PLA2G5: variants seen among roughly 807,000 people sequenced by gnomAD.
PLA2G5 encodes Ca2+-dependent phospholipase A2.
In PLA2G5, 12 loss-of-function variants were observed where a neutral mutation model predicts 15.9. The observed-to-expected ratio is 0.76, with a 90% CI of 0.48 to 1.23. The LOEUF (loss-of-function observed/expected upper bound fraction) is 1.23, where lower values mean the gene tolerates loss of function less well. PLA2G5 is among the 50% of genes most tolerant of loss of function. PLA2G5 has a pLI of 0.00. For synonymous variants in PLA2G5, 71 were observed against 71.4 expected (o/e 0.99, Z 0.03); for missense variants, 169 against 177.1 (o/e 0.95, Z 0.26).
intron 1 of PLA2G5, among the ~76,000 whole-genome samples, chr1:20,032,799 T>C (rs961226390): frequency 2.6e-5 from 4 of 152,150 alleles, no homozygotes; most frequent in Non-Finnish European, 5.9e-5. Flanking sequence ...AGGATGTATG[T>C]TGGGAAAAAT....
chr1:20,060,247 CTTTTTTTT>C (rs71585739), intron 2 of PLA2G5, among the ~76,000 whole-genome samples: 71 of 83,704 alleles, frequency 8.5e-4, no homozygotes, highest in East Asian at 3.4e-3. Context: ...CTTTTTTCTT[CTTTTTTTT>C]TTTTTTTTTT....
chr1:20,073,441 C>A (rs1329653395), intron 1 of PLA2G5, among the ~76,000 whole-genome samples: 1 of 152,180 alleles, frequency 6.6e-6, no homozygotes, highest in African/African-American at 2.4e-5. Context: ...AGGCTGACAC[C>A]CAGATAGAAC....
chr1:20,035,297 G>A (rs1031988802), intron 1 of PLA2G5, among the ~76,000 whole-genome samples: 19 of 152,132 alleles, frequency 1.2e-4, no homozygotes, highest in African/African-American at 4.3e-4. Context: ...GAGGGGAGTT[G>A]CGGGGCATGG....
chr1:20,073,073 ATCTGTGATCT>A (rs1421523811), intron 1 of PLA2G5, among the ~76,000 whole-genome samples: 2 of 152,208 alleles, frequency 1.3e-5, no homozygotes, highest in Non-Finnish European at 2.9e-5. Flanking sequence ...CTTGGGCACC[ATCTGTGATCT>A]TGCCAGGCAG....
chr1:20,081,974 C>T (rs1164219948), intron 1 of PLA2G5, among the ~76,000 whole-genome samples: 1 of 151,658 alleles, frequency 6.6e-6, no homozygotes, highest in Non-Finnish European at 1.5e-5. Flanking sequence ...ATCACTTGAA[C>T]CTGGGAGGTG....
At chr1:20,044,487 G>C (rs2013789180) in intron 1 of PLA2G5, among the ~76,000 whole-genome samples, 1 of 152,284 alleles carries the variant, frequency 6.6e-6, no homozygotes, top group African/African-American at 2.4e-5. Context: ...TGGGTCCAAG[G>C]CTGTAAAGCG....
intron 1 of PLA2G5, among the ~76,000 whole-genome samples, chr1:20,050,117 G>A (rs2014112771): frequency 6.6e-6 from 1 of 152,090 alleles, no homozygotes. Flanking sequence ...GTTTGCTTAG[G>A]AAAAGGCAGA....
intron 1 of PLA2G5, among the ~76,000 whole-genome samples, chr1:20,080,253 C>G (rs776843337): frequency 5.9e-5 from 9 of 152,140 alleles, no homozygotes; most frequent in Non-Finnish European, 1.2e-4. Context: ...AAGCTCAACT[C>G]TGATCACTGT....
At chr1:20,034,674 T>A (rs781390240) in intron 1 of PLA2G5, among the ~76,000 whole-genome samples, 25 of 152,016 alleles carry the variant, frequency 1.6e-4, no homozygotes, top group Non-Finnish European at 3.2e-4. Flanking sequence ...TGGAGGGGTT[T>A]TGGAGAGTTA....
intron 1 of PLA2G5, among the ~76,000 whole-genome samples, chr1:20,056,659 T>C (rs948348517): frequency 5.9e-5 from 9 of 152,186 alleles, no homozygotes; most frequent in Non-Finnish European, 1.2e-4. Flanking sequence ...TTTTAAGATA[T>C]GGTGGTGTGT....
At chr1:20,038,881 C>A (rs1463207897) in intron 1 of PLA2G5, among the ~76,000 whole-genome samples, 7 of 152,218 alleles carry the variant, frequency 4.6e-5, no homozygotes, top group South Asian at 2.1e-4. Context: ...ATGTCCTCAG[C>A]GTCAAGGGCT....
chr1:20,055,932 A>G (rs889416568), intron 1 of PLA2G5, among the ~76,000 whole-genome samples: 5 of 152,178 alleles, frequency 3.3e-5, no homozygotes, highest in Non-Finnish European at 7.3e-5. Context: ...GTTCTCTAGG[A>G]AGATGACATT....
Position 20,090,670 on chromosome 1 carries a change from T to C in PLA2G5, c.395T>C (p.Phe132Ser), listed in dbSNP as rs776009708. The stretch of plus-strand genomic sequence containing the variant: ...AGCTACAACCCACAGTACCAATACT[T>C]TCCCAACATCCTCTGCTCCTAGGCC... ...LRSYNPQYQY[F>S]PNILCS Residue 132 changes from phenylalanine to serine, a missense_variant, in exon 5 of 5, where the codon TTT becomes TCT. Coordinates refer to ENST00000375108, the MANE Select transcript of PLA2G5 (RefSeq NM_000929.3). The C allele has an allele frequency of 1.9e-6, 3 of 1,614,114 alleles. No homozygotes were observed. Among genetic ancestry groups the C allele is most frequent in the Non-Finnish European group, 2.5e-6 (3 of 1,179,980 alleles).
At chr1:20,040,001 T>TTTGAGTC (rs1303259006) in intron 1 of PLA2G5, among the ~76,000 whole-genome samples, 1 of 152,196 alleles carries the variant, frequency 6.6e-6, no homozygotes, top group East Asian at 1.9e-4. Context: ...TGGGTTTTGT[T>TTTGAGTC]TTGAGTCTTC....
rs988690321 is a variant in PLA2G5 at position 20,053,884 on chromosome 1, C to A, written n.277-5748C>A. 4.6e-5 allele frequency among the ~76,000 whole-genome samples: 7 copies of A among 152,164 alleles called. 2 individuals carry two copies. The South Asian group carries it at 1.5e-3, about 32-fold the overall frequency. On this transcript the variant is annotated intron_variant and non_coding_transcript_variant, in intron 1 of 6. Transcript: ENST00000460175. ...TGACAAATGAATAAGGATGTGTTTC[C>A]AGTTTTATAGTACCATACTACACAA...
chr1:20,047,262 G>T (rs1424473857), intron 1 of PLA2G5, among the ~76,000 whole-genome samples: 1 of 152,110 alleles, frequency 6.6e-6, no homozygotes, highest in Non-Finnish European at 1.5e-5. Flanking sequence ...AAACAACTCA[G>T]TGGTGACACA....
intron 1 of PLA2G5, among the ~76,000 whole-genome samples, chr1:20,042,229 A>G (rs776414282): frequency 6.6e-5 from 10 of 152,310 alleles, no homozygotes; most frequent in Admixed American, 1.3e-4. Context: ...AAGATACTAT[A>G]GCATAACCTG....
intron 1 of PLA2G5, among the ~76,000 whole-genome samples, chr1:20,054,398 C>A (rs1195518509): frequency 1.3e-5 from 2 of 152,102 alleles, no homozygotes; most frequent in African/African-American, 4.8e-5. Flanking sequence ...TCCTGAAATT[C>A]TTTTGCATAA....
chr1:20,031,170 A>C (rs931661334), intron 1 of PLA2G5, among the ~76,000 whole-genome samples: 35 of 152,222 alleles, frequency 2.3e-4, no homozygotes, highest in African/African-American at 8.0e-4. Flanking sequence ...TATAGGTTGC[A>C]GTCGAGAGAA....
Sources: allele counts gnomAD v4.1 joint callset (sites outside exome capture counted in the v4.1 genomes callset), GRCh38; gene constraint gnomAD v4.1.1; transcripts MANE v1.5; gene names NCBI Gene and HGNC (gene_info 2026-07-23, HGNC 2026-07-21).